The following SNX7 variants were observed in gnomAD, a reference collection of about 807,000 sequenced individuals.
SNX7 encodes sorting nexin 7, also known as sorting nexin-7.
Under a neutral mutation model 48.4 loss-of-function variants are expected in SNX7, and 35 were observed. The ratio of observed to expected loss-of-function variants is 0.72; its 90% CI spans 0.55 to 0.96. The LOEUF is 0.96. Ranked by LOEUF, SNX7 falls within the 40% of genes least tolerant of loss-of-function variation. The pLI is 0.00. For synonymous variants in SNX7, 190 were observed against 190.2 expected, an observed-to-expected ratio of 1.00 and a Z score of 0.01; for missense variants, 553 against 548.9, an observed-to-expected ratio of 1.01 and a Z score of -0.07.
At chr1:98,741,221 C>T (rs1329500007) in intron 8 of SNX7, among the ~76,000 whole-genome samples, 1 of 152,214 alleles carries the variant, frequency 6.6e-6, no homozygotes, top group East Asian at 1.9e-4. Context: ...GGTATACATA[C>T]ATTTGCCTTT....
At position 98,755,198 on chromosome 1, in the gene SNX7, C is replaced by G. The variant is rs550872548; in HGVS notation, c.1279-4856C>G. 5.3e-5 allele frequency among the ~76,000 whole-genome samples: 8 copies of G among 152,166 alleles called. No individual in the cohort carries two copies. In the South Asian group the frequency reaches 1.7e-3, roughly 32 times the overall value. On this transcript the variant is annotated intron_variant, in intron 8 of 8. Coordinates refer to ENST00000306121, the MANE Select transcript of SNX7 (RefSeq NM_015976.5). ...ATGACTTGAATCTTTTAAAATTTAT[C>G]AAGACTTATTGTATGGCCCAGAATG...
chr1:98,747,719 AAC>A (rs902949719), intron 8 of SNX7, among the ~76,000 whole-genome samples: 10 of 152,186 alleles, frequency 6.6e-5, no homozygotes, highest in Non-Finnish European at 1.3e-4. Context: ...AAGCATGTAA[AAC>A]ACAGTCAATG....
chr1:98,739,387 A>G (rs958674950), intron 8 of SNX7, among the ~76,000 whole-genome samples: 1 of 152,184 alleles, frequency 6.6e-6, no homozygotes, highest in African/African-American at 2.4e-5. Context: ...AAAGAACTTT[A>G]AACTGAAATA....
intron 1 of SNX7, among the ~76,000 whole-genome samples, chr1:98,679,263 A>G (rs982320158): frequency 3.3e-5 from 5 of 152,158 alleles, no homozygotes; most frequent in Admixed American, 1.3e-4. Context: ...AAACGTATTC[A>G]TTGTCATGAG....
chr1:98,698,262 A>C (rs1651562195), intron 5 of SNX7, among the ~76,000 whole-genome samples: 1 of 152,136 alleles, frequency 6.6e-6, no homozygotes, highest in Non-Finnish European at 1.5e-5. Context: ...GTATGATTCT[A>C]GGATAACCTC....
At chr1:98,751,822 A>G (rs568008214) in intron 8 of SNX7, among the ~76,000 whole-genome samples, 4 of 152,134 alleles carry the variant, frequency 2.6e-5, no homozygotes, top group Admixed American at 6.6e-5. Flanking sequence ...GCATGAAATA[A>G]AACAGTATGT....
chr1:98,753,254 A>G (rs1557840600), intron 8 of SNX7, among the ~76,000 whole-genome samples: 1 of 152,094 alleles, frequency 6.6e-6, no homozygotes, highest in African/African-American at 2.4e-5. Context: ...ATTTCAAAAC[A>G]CATACTTTTT....
intron 1 of SNX7, among the ~76,000 whole-genome samples, chr1:98,671,178 C>G (rs1186098813): frequency 6.6e-6 from 1 of 152,010 alleles, no homozygotes; most frequent in Non-Finnish European, 1.5e-5. Flanking sequence ...CCCACACTTT[C>G]CAAAGAAGAT....
At chr1:98,683,596 A>G (rs980869124) in intron 1 of SNX7, among the ~76,000 whole-genome samples, 3 of 152,134 alleles carry the variant, frequency 2.0e-5, no homozygotes, top group Non-Finnish European at 2.9e-5. Context: ...GATTATAGTG[A>G]AAGGAAGCTG....
At chr1:98,692,659 C>T (rs1191905804) in intron 4 of SNX7, among the ~76,000 whole-genome samples, 2 of 152,102 alleles carry the variant, frequency 1.3e-5, no homozygotes, top group Non-Finnish European at 2.9e-5. Flanking sequence ...GCATTTTAAG[C>T]AGATATTCAC....
intron 2 of SNX7, among the ~76,000 whole-genome samples, chr1:98,685,542 A>C (rs1650745702): frequency 6.6e-6 from 1 of 152,172 alleles, no homozygotes; most frequent in East Asian, 1.9e-4. Context: ...TTCAAGAGCA[A>C]AGTAGATCTA....
intron 4 of SNX7, 111 bp from the exon 5 acceptor site, chr1:98,695,407 C>A: frequency 1.0e-6 from 1 of 1,004,350 alleles, no homozygotes; most frequent in South Asian, 1.6e-5. Context: ...AGATTGATGC[C>A]TATGAAACCA....
chr1:98,694,596 A>AAT (rs1651343596), intron 4 of SNX7, among the ~76,000 whole-genome samples: 13 of 53,200 alleles, frequency 2.4e-4, no homozygotes, highest in South Asian at 1.2e-3. Context: ...TTGCTCTGGG[A>AAT]TTTTTTTTTT....
At chr1:98,682,591 ATTAG>A in intron 1 of SNX7, among the ~76,000 whole-genome samples, 1 of 152,328 alleles carries the variant, frequency 6.6e-6, no homozygotes, top group Admixed American at 6.5e-5. Flanking sequence ...TTTTGAAGAC[ATTAG>A]TTTATTATCA....
intron 1 of SNX7, among the ~76,000 whole-genome samples, chr1:98,684,664 G>A (rs1043941292): frequency 1.3e-5 from 2 of 152,040 alleles, no homozygotes; most frequent in Admixed American, 6.6e-5. Flanking sequence ...AATCCTTGAG[G>A]GTTTATACTT....
intron 1 of SNX7, chr1:98,662,884 C>T (rs950093832): frequency 7.5e-5 from 94 of 1,257,408 alleles, no homozygotes; most frequent in Non-Finnish European, 9.4e-5. Context: ...AGGAAGTGAC[C>T]ATGCATACTC....
intron 1 of SNX7, among the ~76,000 whole-genome samples, chr1:98,668,935 G>T (rs528332637): frequency 3.2e-4 from 48 of 152,308 alleles, no homozygotes; most frequent in African/African-American, 1.1e-3. Context: ...GAGGAGAGGA[G>T]GGTGTGACAG....
At chr1:98,662,163 G>C (rs571052700) in intron 1 of SNX7, 194 of 354,452 alleles carry the variant, frequency 5.5e-4, no homozygotes, top group Middle Eastern at 1.5e-3. Context: ...GCGGGGCTGT[G>C]GCTTAGTGGA....
At chr1:98,723,530 G>C (rs1226610123) in intron 7 of SNX7, among the ~76,000 whole-genome samples, 1 of 151,904 alleles carries the variant, frequency 6.6e-6, no homozygotes, top group Non-Finnish European at 1.5e-5. Context: ...AATGATTTAA[G>C]TTATTTTTAA....
Sources: gnomAD v4.1 joint callset for allele counts (sites outside exome capture counted in the v4.1 genomes callset) on GRCh38, gnomAD v4.1.1 for gene constraint, MANE v1.5 for transcripts, NCBI Gene and HGNC (gene_info 2026-07-23, HGNC 2026-07-21) for gene names.